ARHGAP15: variants seen among roughly 807,000 people sequenced by gnomAD.
The protein encoded by ARHGAP15 is Rho GTPase activating protein 15.
Under a neutral mutation model 63.7 loss-of-function variants are expected in ARHGAP15, and 51 were observed. That is an observed-to-expected ratio of 0.80 (90% CI 0.64 to 1.01). The LOEUF is 1.01. Ranked by LOEUF, ARHGAP15 falls within the 50% of genes least tolerant of loss-of-function variation. The probability of loss-of-function intolerance (pLI) is 0.00; values close to 1 mark genes in which losing one functional copy is unlikely to be tolerated. For missense variants in ARHGAP15, 560 were observed against 564.6 expected (o/e 0.99, Z 0.08); for synonymous variants, 191 against 193.8 (o/e 0.99, Z 0.12).
At chr2:143,410,893 G>T in intron 6 of ARHGAP15, among the ~76,000 whole-genome samples, 1 of 150,958 alleles carries the variant, frequency 6.6e-6, no homozygotes, top group Non-Finnish European at 1.5e-5. Context: ...TTCAATCAGA[G>T]TAAAATAAAA....
chr2:143,213,396 C>T (rs1692629661), intron 3 of ARHGAP15, among the ~76,000 whole-genome samples: 2 of 152,060 alleles, frequency 1.3e-5, no homozygotes, highest in Admixed American at 1.3e-4. Flanking sequence ...GCCTGTAATC[C>T]CAGCTACTCG....
chr2:143,757,361 A>G (rs1317257954), intron 13 of ARHGAP15, among the ~76,000 whole-genome samples: 1 of 152,040 alleles, frequency 6.6e-6, no homozygotes, highest in Non-Finnish European at 1.5e-5. Flanking sequence ...AATACAAAAA[A>G]TTAGCCAGGC....
chr2:143,555,089 A>G (rs554812690), intron 10 of ARHGAP15, among the ~76,000 whole-genome samples: 4 of 152,292 alleles, frequency 2.6e-5, no homozygotes, highest in African/African-American at 9.6e-5. Flanking sequence ...AGTTTATTAC[A>G]TGGAAGAGTA....
chr2:143,272,204 G>A (rs1681321198), intron 6 of ARHGAP15, among the ~76,000 whole-genome samples: 1 of 152,218 alleles, frequency 6.6e-6, no homozygotes, highest in Admixed American at 6.5e-5. Flanking sequence ...ATGGTAGGCT[G>A]ATGATTGTGA....
intron 12 of ARHGAP15, among the ~76,000 whole-genome samples, chr2:143,636,515 C>A (rs919110364): frequency 2.0e-5 from 3 of 152,100 alleles, no homozygotes; most frequent in African/African-American, 4.8e-5. Context: ...AGAGCTTCTG[C>A]GAGCTGGGCC....
chr2:143,353,065 CT>C (rs746791658), intron 6 of ARHGAP15, among the ~76,000 whole-genome samples: 4 of 151,224 alleles, frequency 2.6e-5, no homozygotes, highest in South Asian at 4.2e-4. Flanking sequence ...TTTAAAGAAA[CT>C]TTTTTTTTCA....
intron 5 of ARHGAP15, among the ~76,000 whole-genome samples, chr2:143,242,770 A>G (rs1027557178): frequency 3.9e-5 from 6 of 152,200 alleles, no homozygotes; most frequent in Non-Finnish European, 7.3e-5. Flanking sequence ...TTAGACATTA[A>G]TAAGATCAGG....
At chr2:143,320,412 C>CCCCCCCCCCCG (rs1683962345) in intron 6 of ARHGAP15, among the ~76,000 whole-genome samples, 6 of 50,996 alleles carry the variant, frequency 1.2e-4, no homozygotes, top group African/African-American at 3.2e-4. Flanking sequence ...TTCCCCACCC[C>CCCCCCCCCCCG]CCCCCCCCCC....
chr2:143,349,099 C>T (rs890589205), intron 6 of ARHGAP15, among the ~76,000 whole-genome samples: 10 of 152,110 alleles, frequency 6.6e-5, no homozygotes, highest in African/African-American at 2.4e-4. Flanking sequence ...TATTTAGACC[C>T]TCCAAAGTTT....
At chr2:143,388,614 A>G (rs573820379) in intron 6 of ARHGAP15, among the ~76,000 whole-genome samples, 2 of 152,074 alleles carry the variant, frequency 1.3e-5, no homozygotes, top group African/African-American at 4.8e-5. Flanking sequence ...TGTATAAACT[A>G]TACATACATA....
At chr2:143,202,724 G>A (rs6710495) in intron 3 of ARHGAP15, among the ~76,000 whole-genome samples, 99 of 151,786 alleles carry the variant, frequency 6.5e-4, no homozygotes, top group African/African-American at 2.3e-3. Flanking sequence ...TGAATAATAG[G>A]AACCAGAGAC....
chr2:143,539,138 T>G (rs1367598319), intron 10 of ARHGAP15, among the ~76,000 whole-genome samples: 1 of 152,224 alleles, frequency 6.6e-6, no homozygotes, highest in Admixed American at 6.5e-5. Flanking sequence ...ACTTATCCAC[T>G]TCTTCTAGAT....
intron 6 of ARHGAP15, among the ~76,000 whole-genome samples, chr2:143,391,998 G>C (rs372200826): frequency 6.6e-6 from 1 of 152,050 alleles, no homozygotes; most frequent in Admixed American, 6.6e-5. Flanking sequence ...AGATTCCTGA[G>C]GGGAAATTAG....
chr2:143,211,413 C>T (rs370052519), intron 3 of ARHGAP15, among the ~76,000 whole-genome samples: 2 of 151,880 alleles, frequency 1.3e-5, no homozygotes, highest in African/African-American at 4.8e-5. Context: ...ATAATGTAAC[C>T]AAATGTGTCC....
At chr2:143,664,814 T>A (rs1682063926) in intron 12 of ARHGAP15, among the ~76,000 whole-genome samples, 1 of 152,180 alleles carries the variant, frequency 6.6e-6, no homozygotes, top group Admixed American at 6.5e-5. Context: ...CCAGAAAATC[T>A]AGAAGAAATG....
chr2:143,171,568 C>A (rs937997027), intron 2 of ARHGAP15, among the ~76,000 whole-genome samples: 9 of 152,124 alleles, frequency 5.9e-5, no homozygotes, highest in African/African-American at 1.7e-4. Context: ...TACACCCTTA[C>A]ATCGACAACC....
intron 8 of ARHGAP15, among the ~76,000 whole-genome samples, chr2:143,466,968 G>A (rs1574487782): frequency 6.6e-6 from 1 of 152,078 alleles, no homozygotes; most frequent in East Asian, 1.9e-4. Flanking sequence ...TAAGAATTGG[G>A]CACAGCTGCT....
At chr2:143,164,420 A>G (rs530674434) in intron 2 of ARHGAP15, among the ~76,000 whole-genome samples, 2 of 152,164 alleles carry the variant, frequency 1.3e-5, no homozygotes, top group South Asian at 4.1e-4. Context: ...CATCTTCTCT[A>G]TATGAAATCT....
intron 6 of ARHGAP15, among the ~76,000 whole-genome samples, chr2:143,313,315 C>T (rs990130097): frequency 6.6e-6 from 1 of 152,090 alleles, no homozygotes. Context: ...AGCAAGTAAA[C>T]GATGCCAGAT....
Sources: allele counts gnomAD v4.1 joint callset (sites outside exome capture counted in the v4.1 genomes callset), GRCh38; gene constraint gnomAD v4.1.1; transcripts MANE v1.5; gene names NCBI Gene and HGNC (gene_info 2026-07-23, HGNC 2026-07-21).